Variants in PDGFC observed in about 807,000 individuals in gnomAD.
PDGFC encodes platelet derived growth factor C, also known as platelet-derived growth factor C.
Under a neutral mutation model 35.5 loss-of-function variants are expected in PDGFC, and 12 were observed. That is an observed-to-expected ratio of 0.34 (90% CI 0.22 to 0.55). The LOEUF is 0.55. Among genes scored for constraint, PDGFC ranks in the 20% least tolerant of loss-of-function variants. PDGFC has a pLI of 0.91. For missense variants in PDGFC, 322 were observed against 412.4 expected (o/e 0.78, Z 1.90); for synonymous variants, 159 against 148.8 (o/e 1.07, Z -0.50).
intron 1 of PDGFC, among the ~76,000 whole-genome samples, chr4:156,922,009 T>C (rs1480544674): frequency 6.6e-6 from 1 of 152,144 alleles, no homozygotes; most frequent in African/African-American, 2.4e-5. Context: ...GTGATGAACA[T>C]GGTCCAATCC....
chr4:156,906,530 T>C (rs146039082), intron 1 of PDGFC, among the ~76,000 whole-genome samples: 2,486 of 152,094 alleles, frequency 0.016, 74 homozygotes, highest in African/African-American at 0.057. Flanking sequence ...GTAATAGGAG[T>C]TGACTTCCTG....
At chr4:156,851,606 C>CAA (rs1177933418) in intron 1 of PDGFC, among the ~76,000 whole-genome samples, 1 of 151,842 alleles carries the variant, frequency 6.6e-6, no homozygotes, top group Non-Finnish European at 1.5e-5. Context: ...TGAACCACTC[C>CAA]AAAAAATGTA....
chr4:156,807,526 C>T (rs957638939), intron 3 of PDGFC, among the ~76,000 whole-genome samples: 3 of 151,940 alleles, frequency 2.0e-5, no homozygotes, highest in Non-Finnish European at 4.4e-5. Context: ...TAACTATATG[C>T]TCTGTTATTC....
chr4:156,957,332 A>T (rs1187678165), intron 1 of PDGFC, among the ~76,000 whole-genome samples: 1 of 151,832 alleles, frequency 6.6e-6, no homozygotes, highest in Non-Finnish European at 1.5e-5. Context: ...TCACTTCCTC[A>T]CTTTACTCCA....
intron 1 of PDGFC, among the ~76,000 whole-genome samples, chr4:156,879,141 C>T (rs1433609595): frequency 6.6e-6 from 1 of 152,136 alleles, no homozygotes; most frequent in African/African-American, 2.4e-5. Flanking sequence ...CTCATTCTTC[C>T]TCCTGGGGGA....
chr4:156,851,721 A>T (rs1250193039), intron 1 of PDGFC, among the ~76,000 whole-genome samples: 1 of 152,046 alleles, frequency 6.6e-6, no homozygotes, highest in Non-Finnish European at 1.5e-5. Context: ...AGGCGGGTGG[A>T]TCACGAGGTC....
intron 3 of PDGFC, among the ~76,000 whole-genome samples, chr4:156,802,967 A>T (rs1731658338): frequency 6.6e-6 from 1 of 152,142 alleles, no homozygotes; most frequent in South Asian, 2.1e-4. Flanking sequence ...CTCTCTTCGC[A>T]AACAAGGAAG....
rs748367828 is a variant in PDGFC at position 156,767,946 on chromosome 4, A to G, written c.748T>C (p.Cys250Arg). 1 of 1,612,688 alleles carries G rather than the reference A, an allele frequency of 6.2e-7. No individual in the cohort carries two copies. ...GACACTGAGAAGTTACGAGGTGTGC[A>G]GCTGTATAATCTTACCTCCTCTGTT... ...LLTEEVRLYS[C>R]TPRNFSVSIR... is the part of the protein sequence containing the mutation. Residue 250 changes from cysteine (C) to arginine (R), a missense_variant, in exon 5 of 6, where the codon TGC (cysteine) becomes CGC (arginine). Physicochemically the swap from Cys to Arg is radical, Grantham distance 180 (BLOSUM62 -3). Transcript: ENST00000502773.
At chr4:156,773,942 C>T (rs539628842) in intron 3 of PDGFC, among the ~76,000 whole-genome samples, 1 of 152,312 alleles carries the variant, frequency 6.6e-6, no homozygotes, top group East Asian at 1.9e-4. Context: ...TTTTCATTCT[C>T]ATTACTTCCA....
At chr4:156,874,663 G>A (rs1237954830) in intron 1 of PDGFC, among the ~76,000 whole-genome samples, 2 of 151,938 alleles carry the variant, frequency 1.3e-5, no homozygotes, top group Non-Finnish European at 2.9e-5. Context: ...CCCTTGAATT[G>A]CCTCTTAGCC....
chr4:156,942,997 G>C (rs1257697998), intron 1 of PDGFC, among the ~76,000 whole-genome samples: 2 of 151,974 alleles, frequency 1.3e-5, no homozygotes, highest in Non-Finnish European at 2.9e-5. Flanking sequence ...AGCATTAGTA[G>C]TCATTTAATC....
intron 1 of PDGFC, among the ~76,000 whole-genome samples, chr4:156,883,344 T>C (rs1056996193): frequency 1.3e-5 from 2 of 152,138 alleles, no homozygotes; most frequent in East Asian, 3.9e-4. Context: ...ATTAAAGTCA[T>C]TGGATTAAAG....
At chr4:156,833,567 A>G (rs1728994804) in intron 2 of PDGFC, among the ~76,000 whole-genome samples, 1 of 152,224 alleles carries the variant, frequency 6.6e-6, no homozygotes, top group Non-Finnish European at 1.5e-5. Flanking sequence ...ACATTACTTA[A>G]TAATTTACAC....
chr4:156,832,782 G>A (rs1728976159), intron 2 of PDGFC, among the ~76,000 whole-genome samples: 1 of 152,212 alleles, frequency 6.6e-6, no homozygotes, highest in Non-Finnish European at 1.5e-5. Context: ...ATACAGGGCC[G>A]ACTTTTCCAA....
At chr4:156,842,450 A>G (rs1729228495) in intron 2 of PDGFC, among the ~76,000 whole-genome samples, 1 of 152,112 alleles carries the variant, frequency 6.6e-6, no homozygotes, top group Admixed American at 6.5e-5. Flanking sequence ...ATAACAAAAT[A>G]TCTCCAACTA....
At chr4:156,807,914 A>T (rs1248651189) in intron 3 of PDGFC, among the ~76,000 whole-genome samples, 1 of 152,100 alleles carries the variant, frequency 6.6e-6, no homozygotes, top group Non-Finnish European at 1.5e-5. Context: ...GTATATACTA[A>T]TGTTTATAAA....
Position 156,922,960 on chromosome 4 carries a change from A to G in PDGFC, c.118+47826T>C, listed in dbSNP as rs549596798. On this transcript the variant is annotated intron_variant, in intron 1 of 5. Transcript: ENST00000502773. Reference sequence around the variant, plus strand: ...TCACCTTCTCTTCCTAAATTACTTAATAACTTCCAAATTGACCCTTTACTC... The same window carrying G: ...TCACCTTCTCTTCCTAAATTACTTAGTAACTTCCAAATTGACCCTTTACTC... Among the ~76,000 whole-genome samples the G allele has an allele frequency of 1.1e-4, 17 of 152,344 alleles. 1 individual carries two copies. In the South Asian group the frequency reaches 2.9e-3, roughly 26 times the overall value.
intron 3 of PDGFC, among the ~76,000 whole-genome samples, chr4:156,777,728 C>T (rs1372639882): frequency 6.6e-6 from 1 of 152,164 alleles, no homozygotes; most frequent in Non-Finnish European, 1.5e-5. Context: ...TCAACTTCTC[C>T]ACTTAACTAT....
At position 156,763,009 on chromosome 4, in the gene PDGFC, T is replaced by C; in HGVS notation, c.*81A>G. The C allele has an allele frequency of 1.3e-6, 1 of 744,868 alleles. No individual in the cohort carries two copies. The highest frequency in any genetic ancestry group is 2.5e-6 in the Non-Finnish European group (1 of 402,332). The allele number at this position is 744,868 out of a possible 1,614,324, so 46.1% of individuals were successfully genotyped here. Reference sequence around the variant, plus strand: ...TGAAGCAAACAACTGAGATTAAGGATGGAGATAACGCATACGTTCTCTAAT... The same window carrying C: ...TGAAGCAAACAACTGAGATTAAGGACGGAGATAACGCATACGTTCTCTAAT... On this transcript the variant is annotated 3_prime_UTR_variant, in exon 6 of 6. Transcript: ENST00000502773.
Sources: allele counts gnomAD v4.1 joint callset (sites outside exome capture counted in the v4.1 genomes callset), GRCh38; gene constraint gnomAD v4.1.1; transcripts MANE v1.5; gene names NCBI Gene and HGNC (gene_info 2026-07-23, HGNC 2026-07-21).